CLDN25: variants seen among roughly 807,000 people sequenced by gnomAD.
CLDN25 encodes claudin 25, also known as claudin-25.
For missense variants in CLDN25, 286 were observed against 279.7 expected, an observed-to-expected ratio of 1.02 and a Z score of -0.16; for synonymous variants, 117 against 112.7, an observed-to-expected ratio of 1.04 and a Z score of -0.24.
exon 1 of CLDN25, chr11:113,780,444 T>C: frequency 6.2e-7 from 1 of 1,613,806 alleles, no homozygotes; most frequent in South Asian, 1.1e-5. Flanking sequence ...GTCAGATGGC[T>C]CCTTCCACCT....
Position 113,780,450 on chromosome 11 carries a change from C to T in CLDN25, c.655C>T (p.His219Tyr), listed in dbSNP as rs35111413. The T allele has an allele frequency of 3.0e-5, 48 of 1,613,702 alleles. No homozygotes were observed. The highest frequency in any genetic ancestry group is 1.8e-4 in the Admixed American group (11 of 60,018). The change falls in exon 1 of 1, where the codon CAC becomes TAC. Residue 219 changes from histidine (H) to tyrosine (Y), a missense_variant. By Grantham distance (83) the His-to-Tyr change is moderately conservative. Coordinates refer to ENST00000453129, the Ensembl canonical transcript of CLDN25. Reference sequence around the variant, plus strand: ...AGTGGAGGAGTCAGATGGCTCCTTCCACCTCATGCTAAGACCTAGGAACCT... The same window carrying T: ...AGTGGAGGAGTCAGATGGCTCCTTCTACCTCATGCTAAGACCTAGGAACCT...
rs1445812109 is a variant in CLDN25, at chr11:113,780,155, CCTGGGAAGGA to C, written c.363_372del (p.Gly122TrpfsTer74). The C allele has an allele frequency of 3.7e-6, 6 of 1,613,868 alleles. No homozygotes were observed. Among genetic ancestry groups the C allele is most frequent in the Non-Finnish European group, 5.1e-6 (6 of 1,179,900 alleles). ...GGGTATTCAAGAGGCGGCTTGGTCTCCTGGGAAGGACTTTGGAGGCATCCGCTTCAGCCAC... is the reference window on the plus strand; with the variant it reads ...GGGTATTCAAGAGGCGGCTTGGTCTCCTTTGGAGGCATCCGCTTCAGCCAC... On this transcript the variant is annotated frameshift_variant, in exon 1 of 1. Transcript: ENST00000453129. LOFTEE classifies it low-confidence loss of function (END_TRUNC).
chr11:113,780,184 C>T (rs538673377), exon 1 of CLDN25: 3 of 1,613,982 alleles, frequency 1.9e-6, no homozygotes, highest in Non-Finnish European at 2.5e-6. Context: ...GCATCCGCTT[C>T]AGCCACTACC....
exon 1 of CLDN25, chr11:113,780,235 A>G: frequency 6.2e-7 from 1 of 1,613,022 alleles, no homozygotes; most frequent in Non-Finnish European, 8.5e-7. Flanking sequence ...ACAATCCAAG[A>G]CTTCTGGGAT....
exon 1 of CLDN25, chr11:113,780,415 C>G (rs1448087100): frequency 6.2e-7 from 1 of 1,613,800 alleles, no homozygotes; most frequent in African/African-American, 1.3e-5. Flanking sequence ...GTCCCCCTAT[C>G]CTGTGCTCCA....
chr11:113,779,976 G>T (rs749373712), exon 1 of CLDN25: 1 of 1,613,964 alleles, frequency 6.2e-7, no homozygotes, highest in Non-Finnish European at 8.5e-7. Context: ...AGAGGAAGTC[G>T]CCACTGTGTG....
chr11:113,779,951 G>C (rs1937798733), exon 1 of CLDN25: 1 of 1,613,994 alleles, frequency 6.2e-7, no homozygotes. Flanking sequence ...GGATTTGGGA[G>C]GTCTGCGTGG....
chr11:113,780,341 C>T, exon 1 of CLDN25: 1 of 1,613,834 alleles, frequency 6.2e-7, no homozygotes, highest in Non-Finnish European at 8.5e-7. Context: ...GTGGGCTACT[C>T]CTCATCTTCT....
chr11:113,780,144 C>A (rs368993117), exon 1 of CLDN25: 8 of 1,614,010 alleles, frequency 5.0e-6, no homozygotes, highest in Non-Finnish European at 6.8e-6. Flanking sequence ...ATTCAAGAGG[C>A]GGCTTGGTCT....
exon 1 of CLDN25, chr11:113,780,320 C>T (rs761739420): frequency 6.2e-7 from 1 of 1,613,810 alleles, no homozygotes. Context: ...CTGGTATTTT[C>T]CTGGCTCTTG....
exon 1 of CLDN25, chr11:113,780,223 C>T (rs1423979060): frequency 3.1e-6 from 5 of 1,613,804 alleles, no homozygotes; most frequent in Middle Eastern, 1.6e-4. Flanking sequence ...GTGGCCCATG[C>T]CACAATCCAA....
exon 1 of CLDN25, chr11:113,780,076 G>T (rs779056527): frequency 6.8e-6 from 11 of 1,614,002 alleles, no homozygotes; most frequent in Non-Finnish European, 9.3e-6. Context: ...GGCCTATTGG[G>T]GCTTTTGCTC....
chr11:113,779,993 C>T, exon 1 of CLDN25: 4 of 1,613,952 alleles, frequency 2.5e-6, no homozygotes, highest in Non-Finnish European at 3.4e-6. Flanking sequence ...TGTGCAAGGC[C>T]TTTGAATCCT....
At chr11:113,780,074 G>T in exon 1 of CLDN25, 1 of 1,614,010 alleles carries the variant, frequency 6.2e-7, no homozygotes, top group Non-Finnish European at 8.5e-7. Context: ...TGGGCCTATT[G>T]GGGCTTTTGC....
At chr11:113,780,023 G>T in exon 1 of CLDN25, 1 of 1,614,046 alleles carries the variant, frequency 6.2e-7, no homozygotes, top group Non-Finnish European at 8.5e-7. Flanking sequence ...TGCCCCAGGA[G>T]CTCCAGGTAG....
exon 1 of CLDN25, chr11:113,780,378 C>T: frequency 1.9e-6 from 3 of 1,613,874 alleles, no homozygotes; most frequent in Non-Finnish European, 2.5e-6. Flanking sequence ...AGAAGATGTG[C>T]CTTTTCCTTT....
In CLDN25 at chr11:113,780,352, C is replaced by T. The variant is rs766666126; in HGVS notation, c.557C>T (p.Ser186Leu). 8 of 1,613,872 alleles carry T rather than the reference C, an allele frequency of 5.0e-6. No individual in the cohort carries two copies. In the Admixed American group the frequency reaches 5.0e-5, roughly 10 times the overall value. ...CTTGGTGGGCTACTCCTCATCTTCT[C>T]GGCCTGCCTGGGAAAAGAAGATGTG... Residue 186 changes from serine to leucine, a missense_variant, in exon 1 of 1, where the codon TCG becomes TTG. Coordinates refer to ENST00000453129, the Ensembl canonical transcript of CLDN25.
exon 1 of CLDN25, chr11:113,780,246 G>T (rs1937805168): frequency 9.3e-6 from 15 of 1,613,904 alleles, no homozygotes; most frequent in Non-Finnish European, 1.3e-5. Flanking sequence ...CTTCTGGGAT[G>T]ACAGCATCCC....
At position 113,780,166 on chromosome 11, in the gene CLDN25, C is replaced by T. The variant is rs954727747; in HGVS notation, c.371C>T (p.Thr124Ile). Residue 124 changes from threonine (T) to isoleucine (I), a missense_variant, in exon 1 of 1, where the codon ACT becomes ATT. Coordinates refer to ENST00000453129, the Ensembl canonical transcript of CLDN25. ...AGGCGGCTTGGTCTCCTGGGAAGGACTTTGGAGGCATCCGCTTCAGCCACT... is the reference window on the plus strand; with the variant it reads ...AGGCGGCTTGGTCTCCTGGGAAGGATTTTGGAGGCATCCGCTTCAGCCACT... The T allele has an allele frequency of 2.5e-6, 4 of 1,613,844 alleles. No homozygotes were observed. In the African/African-American group the frequency reaches 5.3e-5, roughly 22 times the overall value.
Sources: gnomAD v4.1 joint callset for allele counts on GRCh38, gnomAD v4.1.1 for gene constraint, MANE v1.5 for transcripts, NCBI Gene and HGNC (gene_info 2026-07-23, HGNC 2026-07-21) for gene names.